NCALD: variants seen among roughly 807,000 people sequenced by gnomAD.
NCALD encodes neurocalcin-delta.
Under a neutral mutation model 18.6 loss-of-function variants are expected in NCALD, and 10 were observed. The observed-to-expected ratio is 0.54, with a 90% CI of 0.33 to 0.91. The LOEUF is 0.91. Ranked by LOEUF, NCALD falls within the 40% of genes least tolerant of loss-of-function variation. The probability of loss-of-function intolerance (pLI) is 0.03; values close to 1 mark genes in which losing one functional copy is unlikely to be tolerated. For synonymous variants in NCALD, 88 were observed against 87.4 expected, an observed-to-expected ratio of 1.01 and a Z score of -0.04; for missense variants, 184 against 247.6, an observed-to-expected ratio of 0.74 and a Z score of 1.72.
At chr8:101,801,350 A>G (rs73699653) in intron 4 of NCALD, among the ~76,000 whole-genome samples, 13,600 of 152,136 alleles carry the variant, frequency 0.089, 2,055 homozygotes, top group African/African-American at 0.31. Flanking sequence ...AACCAATTTG[A>G]CCTAATTAAT....
intron 1 of NCALD, among the ~76,000 whole-genome samples, chr8:102,034,152 C>G (rs73281415): frequency 0.039 from 5,963 of 152,046 alleles, 382 homozygotes; most frequent in African/African-American, 0.14. Context: ...TTTCCTTTCC[C>G]CAAGTGTGTC....
intron 3 of NCALD, among the ~76,000 whole-genome samples, chr8:101,912,089 T>C (rs950756538): frequency 2.6e-5 from 4 of 152,196 alleles, no homozygotes; most frequent in African/African-American, 9.7e-5. Context: ...ATTTTTGTAA[T>C]TCATATTTTA....
chr8:101,763,071 A>G (rs1811181500), intron 1 of NCALD, among the ~76,000 whole-genome samples: 1 of 152,172 alleles, frequency 6.6e-6, no homozygotes, highest in Non-Finnish European at 1.5e-5. Context: ...CATCCAACAA[A>G]TATTTATCGA....
At chr8:101,915,761 T>G (rs747359679) in intron 3 of NCALD, 6 of 152,188 alleles carry the variant, frequency 3.9e-5, no homozygotes, top group African/African-American at 9.6e-5. Context: ...TGAACAAAAC[T>G]GAGATTTCCA....
intron 1 of NCALD, among the ~76,000 whole-genome samples, chr8:101,763,952 T>TTCTC (rs149384386): frequency 1.6e-5 from 2 of 122,064 alleles, no homozygotes; most frequent in African/African-American, 6.6e-5. Flanking sequence ...TATGACAAAT[T>TTCTC]TCTCTCTCTC....
chr8:101,902,910 C>T (rs1817486951), intron 3 of NCALD, among the ~76,000 whole-genome samples: 1 of 152,202 alleles, frequency 6.6e-6, no homozygotes, highest in Admixed American at 6.5e-5. Flanking sequence ...GTTTCACTTT[C>T]ACCAACAACT....
At chr8:101,951,575 T>C (rs1586813723) in intron 2 of NCALD, among the ~76,000 whole-genome samples, 2 of 152,330 alleles carry the variant, frequency 1.3e-5, no homozygotes, top group East Asian at 1.9e-4. Flanking sequence ...GTGCCTGCCA[T>C]CAGTCATGAC....
upstream of NCALD, among the ~76,000 whole-genome samples, chr8:101,795,802 A>G (rs984174219): frequency 1.3e-5 from 2 of 152,230 alleles, no homozygotes; most frequent in African/African-American, 4.8e-5. Context: ...TGGAGTACAA[A>G]TATTTAAATG....
At chr8:102,066,751 C>A (rs1260977713) in intron 1 of NCALD, among the ~76,000 whole-genome samples, 2 of 152,184 alleles carry the variant, frequency 1.3e-5, no homozygotes, top group Non-Finnish European at 1.5e-5. Flanking sequence ...GGGCTTTGCA[C>A]CAAAATGCAC....
At chr8:101,732,972 T>G (rs1157388874) in intron 1 of NCALD, among the ~76,000 whole-genome samples, 1 of 152,128 alleles carries the variant, frequency 6.6e-6, no homozygotes. Context: ...ATGCTATATC[T>G]TGGTTTTTCT....
At chr8:101,772,830 T>A (rs1811640031) in intron 1 of NCALD, among the ~76,000 whole-genome samples, 1 of 152,188 alleles carries the variant, frequency 6.6e-6, no homozygotes, top group South Asian at 2.1e-4. Context: ...AAATCTAACC[T>A]TATATTTCCT....
At chr8:102,055,319 T>C (rs1269699) in intron 1 of NCALD, among the ~76,000 whole-genome samples, 81,696 of 150,742 alleles carry the variant, frequency 0.54, 23,263 homozygotes, top group East Asian at 0.8. Flanking sequence ...CATTGCCTCC[T>C]AGGGAGGTGC....
At chr8:101,942,836 C>G (rs1819007734) in intron 2 of NCALD, among the ~76,000 whole-genome samples, 1 of 152,158 alleles carries the variant, frequency 6.6e-6, no homozygotes, top group African/African-American at 2.4e-5. Flanking sequence ...CAATCTGGCT[C>G]TAACATTCAC....
chr8:101,784,460 G>A (rs575885560), intron 1 of NCALD, among the ~76,000 whole-genome samples: 2 of 152,216 alleles, frequency 1.3e-5, no homozygotes, highest in East Asian at 3.9e-4. Flanking sequence ...GGTTCAAAGG[G>A]AGGGGCAATA....
chr8:101,734,820 A>T (rs533882272), intron 1 of NCALD, among the ~76,000 whole-genome samples: 1 of 152,356 alleles, frequency 6.6e-6, no homozygotes, highest in Admixed American at 6.5e-5. Flanking sequence ...TTCTAACTCC[A>T]TTCTGAATCT....
chr8:102,034,535 T>C (rs180848503), intron 1 of NCALD, among the ~76,000 whole-genome samples: 3 of 152,286 alleles, frequency 2.0e-5, no homozygotes, highest in Admixed American at 2.0e-4. Flanking sequence ...CCTTCCTCTA[T>C]AGTGATGGGG....
chr8:101,805,437 G>T (rs1216677463), intron 4 of NCALD, among the ~76,000 whole-genome samples: 3 of 152,166 alleles, frequency 2.0e-5, no homozygotes. Context: ...CATTCATAAG[G>T]CAGAGACTCT....
At chr8:101,720,705 T>C (rs1022795153) in intron 1 of NCALD, among the ~76,000 whole-genome samples, 1 of 152,210 alleles carries the variant, frequency 6.6e-6, no homozygotes, top group Non-Finnish European at 1.5e-5. Context: ...CCTTAAAGAA[T>C]GATTTATTTT....
chr8:101,973,624 G>A (rs1185781405), intron 2 of NCALD, among the ~76,000 whole-genome samples: 2 of 152,154 alleles, frequency 1.3e-5, no homozygotes, highest in Non-Finnish European at 2.9e-5. Context: ...GTAAACCAAG[G>A]AGAAGAAGCT....
Sources: gnomAD v4.1 joint callset for allele counts (sites outside exome capture counted in the v4.1 genomes callset) on GRCh38, gnomAD v4.1.1 for gene constraint, MANE v1.5 for transcripts, NCBI Gene and HGNC (gene_info 2026-07-23, HGNC 2026-07-21) for gene names.